STX17: variants seen among roughly 807,000 people sequenced by gnomAD.
STX17 encodes the protein syntaxin-17.
In STX17, 29 loss-of-function variants were observed where a neutral mutation model predicts 35.9. That is an observed-to-expected ratio of 0.81 (90% CI 0.60 to 1.10). The LOEUF is 1.10. STX17 is among the 50% of genes least tolerant of loss of function. The pLI, the probability that STX17 is intolerant of heterozygous loss-of-function variation, is 0.00. For missense variants in STX17, 312 were observed against 352.3 expected, an observed-to-expected ratio of 0.89 and a Z score of 0.92; for synonymous variants, 92 against 118.3, an observed-to-expected ratio of 0.78 and a Z score of 1.44.
intron 3 of STX17, among the ~76,000 whole-genome samples, chr9:99,931,760 G>T (rs185965803): frequency 6.6e-6 from 1 of 152,258 alleles, no homozygotes; most frequent in East Asian, 1.9e-4. Flanking sequence ...TTTTCTAAAA[G>T]ATTTCCTCAG....
intron 3 of STX17, among the ~76,000 whole-genome samples, chr9:99,935,146 C>T (rs1043228618): frequency 1.3e-5 from 2 of 151,688 alleles, no homozygotes; most frequent in African/African-American, 4.8e-5. Context: ...CTGGCTAACA[C>T]AGTGAAACCC....
At chr9:99,908,621 C>G (rs1348124985) in intron 1 of STX17, among the ~76,000 whole-genome samples, 1 of 151,270 alleles carries the variant, frequency 6.6e-6, no homozygotes, top group African/African-American at 2.4e-5. Flanking sequence ...CCTTTTTTTT[C>G]TTTTTTGGAA....
intron 1 of STX17, among the ~76,000 whole-genome samples, chr9:99,913,410 A>G (rs1296241235): frequency 6.6e-6 from 1 of 151,960 alleles, no homozygotes; most frequent in African/African-American, 2.4e-5. Flanking sequence ...CTTCCAATCA[A>G]TAATTGTTTC....
chr9:99,952,863 C>T (rs562938686), intron 4 of STX17, among the ~76,000 whole-genome samples: 2 of 135,234 alleles, frequency 1.5e-5, no homozygotes, highest in Non-Finnish European at 3.1e-5. Flanking sequence ...GGGAACATCA[C>T]ACTTGGGACT....
At chr9:99,959,055 T>C (rs1353642549) in intron 4 of STX17, among the ~76,000 whole-genome samples, 1 of 152,232 alleles carries the variant, frequency 6.6e-6, no homozygotes, top group Admixed American at 6.5e-5. Flanking sequence ...CTGTATCTGG[T>C]ATTTACATTG....
chr9:99,953,557 T>A (rs1291445284), intron 4 of STX17, among the ~76,000 whole-genome samples: 1 of 152,088 alleles, frequency 6.6e-6, no homozygotes, highest in African/African-American at 2.4e-5. Flanking sequence ...GCCGTTTTTA[T>A]CACTTAGTGC....
In STX17 at chr9:99,974,238, G is replaced by T. The variant is rs921236862; in HGVS notation, c.*5565G>T. Among the ~76,000 whole-genome samples, 1 of 152,196 alleles carries T rather than the reference G, an allele frequency of 6.6e-6. No individual in the cohort carries two copies. The highest frequency in any genetic ancestry group is 1.5e-5 in the Non-Finnish European group (1 of 68,028). Reference sequence around the variant, plus strand: ...AGCTCCTGTGAAAAACTTAATATTTGAGAAAGACATTCAATGGTACATGTT... The same window carrying T: ...AGCTCCTGTGAAAAACTTAATATTTTAGAAAGACATTCAATGGTACATGTT... On this transcript the variant is annotated 3_prime_UTR_variant, in exon 8 of 8. Coordinates refer to ENST00000259400, the MANE Select transcript of STX17 (RefSeq NM_017919.3).
chr9:99,923,268 A>G lies in STX17; in HGVS notation c.124-5510A>G, dbSNP rs150840127. Among the ~76,000 whole-genome samples, 1,007 of 152,284 alleles carry G rather than the reference A, an allele frequency of 6.6e-3. 9 individuals carry two copies. The highest frequency in any genetic ancestry group is 0.022 in the African/African-American group (932 of 41,556). ...TTGAACATTCACATTTTAATAATTC[A>G]TGGGAAAGCTGCAAATGTCTATGAT... On this transcript the variant is annotated intron_variant, in intron 2 of 7. Coordinates refer to ENST00000259400, the MANE Select transcript of STX17 (RefSeq NM_017919.3).
intron 4 of STX17, 106 bp from the exon 5 acceptor site, chr9:99,959,811 A>T: frequency 1.2e-6 from 1 of 837,992 alleles, no homozygotes; most frequent in Non-Finnish European, 1.9e-6. Flanking sequence ...CCTAAATTTA[A>T]TTAGACACCA....
At chr9:99,939,829 A>G (rs1326284371) in intron 3 of STX17, among the ~76,000 whole-genome samples, 1 of 152,222 alleles carries the variant, frequency 6.6e-6, no homozygotes, top group Non-Finnish European at 1.5e-5. Flanking sequence ...CAAAAGCAAA[A>G]TAGGAGTTAC....
intron 2 of STX17, among the ~76,000 whole-genome samples, chr9:99,926,718 T>C (rs1828993495): frequency 6.6e-6 from 1 of 152,176 alleles, no homozygotes; most frequent in Admixed American, 6.5e-5. Flanking sequence ...CAGGATGGTC[T>C]TGATATCCTG....
intron 3 of STX17, among the ~76,000 whole-genome samples, chr9:99,932,845 C>T (rs1176261154): frequency 6.6e-6 from 1 of 152,060 alleles, no homozygotes; most frequent in Non-Finnish European, 1.5e-5. Context: ...CAAATAACCT[C>T]ATCAACAATT....
intron 2 of STX17, 138 bp downstream of exon 2, chr9:99,915,500 G>A (rs1587910386): frequency 3.8e-6 from 4 of 1,048,094 alleles, no homozygotes; most frequent in East Asian, 5.8e-5. Flanking sequence ...GCAACATTAT[G>A]CATTTTTTAG....
intron 2 of STX17, chr9:99,916,059 A>G (rs1293008344): frequency 2.2e-6 from 1 of 456,036 alleles, no homozygotes. Flanking sequence ...GTATACATAC[A>G]TTAAAGAAGT....
At chr9:99,967,316 C>A in intron 6 of STX17, 1 of 172,610 alleles carries the variant, frequency 5.8e-6, no homozygotes. Context: ...CCATCAAACC[C>A]AACATGACAT....
intron 3 of STX17, among the ~76,000 whole-genome samples, chr9:99,931,492 T>C (rs758963552): frequency 8.3e-6 from 1 of 120,450 alleles, no homozygotes; most frequent in Non-Finnish European, 1.7e-5. Flanking sequence ...CTCATTTTGC[T>C]CTTTTTTTTT....
At chr9:99,926,279 AT>A (rs1226566527) in intron 2 of STX17, among the ~76,000 whole-genome samples, 2 of 152,048 alleles carry the variant, frequency 1.3e-5, no homozygotes, top group African/African-American at 2.4e-5. Flanking sequence ...TCATTTATTA[AT>A]TCCATTATCC....
intron 2 of STX17, among the ~76,000 whole-genome samples, chr9:99,925,267 C>T (rs781583199): frequency 7.2e-5 from 11 of 152,050 alleles, no homozygotes; most frequent in South Asian, 2.1e-4. Flanking sequence ...CAGTATACTT[C>T]TAGGTCCTCT....
At chr9:99,940,381 G>A (rs771212769) in intron 3 of STX17, among the ~76,000 whole-genome samples, 4 of 151,444 alleles carry the variant, frequency 2.6e-5, no homozygotes, top group Non-Finnish European at 4.4e-5. Context: ...ATCCGCCCGC[G>A]TCGGCCTCCC....
Sources: allele counts gnomAD v4.1 joint callset (sites outside exome capture counted in the v4.1 genomes callset), GRCh38; gene constraint gnomAD v4.1.1; transcripts MANE v1.5; gene names NCBI Gene and HGNC (gene_info 2026-07-23, HGNC 2026-07-21).